AGBL4: variants seen among roughly 807,000 people sequenced by gnomAD.
AGBL4 encodes AGBL carboxypeptidase 4.
In AGBL4, 58 loss-of-function variants were observed where a neutral mutation model predicts 66.4. The observed-to-expected ratio is 0.87, with a 90% confidence interval of 0.71 to 1.09. The LOEUF (loss-of-function observed/expected upper bound fraction) is 1.09. Ranked by LOEUF, AGBL4 falls within the 50% of genes least tolerant of loss-of-function variation. The pLI is 0.00. For synonymous variants in AGBL4, 234 were observed against 222.9 expected (o/e 1.05, Z -0.44); for missense variants, 579 against 631.0 (o/e 0.92, Z 0.88).
At chr1:48,732,777 T>G (rs1353026172) in intron 6 of AGBL4, among the ~76,000 whole-genome samples, 1 of 152,088 alleles carries the variant, frequency 6.6e-6, no homozygotes, top group Non-Finnish European at 1.5e-5. Flanking sequence ...AAGGGCACAC[T>G]GAAGGCAATG....
intron 6 of AGBL4, among the ~76,000 whole-genome samples, chr1:48,710,163 G>A (rs904283516): frequency 6.6e-6 from 1 of 152,134 alleles, no homozygotes; most frequent in Non-Finnish European, 1.5e-5. Flanking sequence ...TTGCAACTAT[G>A]AAGAAATGCG....
chr1:49,984,755 C>T (rs774806700), intron 1 of AGBL4, among the ~76,000 whole-genome samples: 1 of 152,100 alleles, frequency 6.6e-6, no homozygotes, highest in African/African-American at 2.4e-5. Flanking sequence ...TAAGATATTA[C>T]ATAATTGAAA....
intron 3 of AGBL4, among the ~76,000 whole-genome samples, chr1:49,428,234 C>T (rs1645710015): frequency 1.3e-5 from 2 of 152,226 alleles, no homozygotes; most frequent in South Asian, 4.1e-4. Context: ...ACTTGGGGAC[C>T]ACACTATAAG....
chr1:49,423,975 G>T (rs1265605272), intron 3 of AGBL4, among the ~76,000 whole-genome samples: 1 of 152,104 alleles, frequency 6.6e-6, no homozygotes, highest in Admixed American at 6.6e-5. Context: ...TAAGATACTA[G>T]TACTGGTTAG....
rs1644285168 is a variant in AGBL4 at position 49,368,671 on chromosome 1, C to T, written c.283-122807G>A. On this transcript the variant is annotated intron_variant, in intron 3 of 13. Coordinates refer to ENST00000371839, the MANE Select transcript of AGBL4 (RefSeq NM_032785.4). ...ACATTCCTGGCTCTTTCTGTCCCAC[C>T]TATCAAAGCAATCTGTGGGTTCTTT... 3.3e-5 allele frequency among the ~76,000 whole-genome samples: 5 copies of T among 152,262 alleles called. No homozygotes were observed. The South Asian group carries it at 1.0e-3, about 32-fold the overall frequency.
At chr1:49,845,239 C>T (rs1646109040) in intron 2 of AGBL4, 4 of 1,543,758 alleles carry the variant, frequency 2.6e-6, no homozygotes, top group Non-Finnish European at 3.6e-6. Flanking sequence ...TGGGGAGAAA[C>T]CCTATAAATG....
intron 3 of AGBL4, among the ~76,000 whole-genome samples, chr1:49,439,563 C>T (rs1027236050): frequency 1.6e-4 from 24 of 152,198 alleles, no homozygotes; most frequent in Admixed American, 3.9e-4. Flanking sequence ...AGTACCGATC[C>T]TGGGTGTGTC....
At chr1:49,030,593 T>C (rs1664129123) in intron 5 of AGBL4, among the ~76,000 whole-genome samples, 1 of 151,840 alleles carries the variant, frequency 6.6e-6, no homozygotes, top group African/African-American at 2.4e-5. Context: ...AACCCTATTG[T>C]GAACTGTGAA....
intron 5 of AGBL4, among the ~76,000 whole-genome samples, chr1:49,008,865 C>A (rs988489533): frequency 6.6e-6 from 1 of 151,880 alleles, no homozygotes; most frequent in Non-Finnish European, 1.5e-5. Context: ...ATCTGTGGGA[C>A]GCATTCAGAG....
At chr1:49,089,168 C>T (rs1644959075) in intron 4 of AGBL4, among the ~76,000 whole-genome samples, 2 of 151,092 alleles carry the variant, frequency 1.3e-5, no homozygotes, top group African/African-American at 4.9e-5. Flanking sequence ...CTCAAGTTAA[C>T]CACCTAATAT....
At chr1:49,614,314 C>T (rs1173168123) in intron 3 of AGBL4, among the ~76,000 whole-genome samples, 2 of 151,996 alleles carry the variant, frequency 1.3e-5, no homozygotes, top group Non-Finnish European at 2.9e-5. Flanking sequence ...GGTATATACT[C>T]TTTTTTTCTG....
chr1:49,098,007 T>C (rs1645137560), intron 4 of AGBL4, among the ~76,000 whole-genome samples: 1 of 152,246 alleles, frequency 6.6e-6, no homozygotes, highest in Non-Finnish European at 1.5e-5. Context: ...TGTGATGTAA[T>C]GGAGTTATGA....
intron 1 of AGBL4, among the ~76,000 whole-genome samples, chr1:50,010,115 G>A (rs1432059870): frequency 6.6e-6 from 1 of 152,044 alleles, no homozygotes. Flanking sequence ...AGACCACCCT[G>A]GCTAACAAGA....
intron 11 of AGBL4, among the ~76,000 whole-genome samples, chr1:48,580,062 C>T (rs758194970): frequency 2.0e-5 from 3 of 152,134 alleles, no homozygotes; most frequent in African/African-American, 4.8e-5. Context: ...AACCACCATG[C>T]AGGACTTGCA....
intron 3 of AGBL4, among the ~76,000 whole-genome samples, chr1:49,349,491 C>T (rs1645704662): frequency 6.6e-6 from 1 of 152,152 alleles, no homozygotes; most frequent in Non-Finnish European, 1.5e-5. Flanking sequence ...GATCTCAGTT[C>T]AAATATTCAC....
chr1:49,429,794 C>G (rs1570696218), intron 3 of AGBL4, among the ~76,000 whole-genome samples: 1 of 152,152 alleles, frequency 6.6e-6, no homozygotes, highest in South Asian at 2.1e-4. Context: ...CTACTTCTCT[C>G]TCTCTTCACA....
intron 1 of AGBL4, among the ~76,000 whole-genome samples, chr1:49,873,575 T>C (rs2148117172): frequency 6.6e-6 from 1 of 152,242 alleles, no homozygotes; most frequent in East Asian, 1.9e-4. Context: ...TCACCTTATC[T>C]TATGTAAAGT....
At chr1:48,979,947 T>C (rs1008665184) in intron 5 of AGBL4, among the ~76,000 whole-genome samples, 7 of 152,178 alleles carry the variant, frequency 4.6e-5, no homozygotes, top group African/African-American at 1.4e-4. Flanking sequence ...TAACATACAA[T>C]AGAGTTTTAA....
intron 4 of AGBL4, among the ~76,000 whole-genome samples, chr1:49,112,277 A>C (rs1176320363): frequency 6.6e-6 from 1 of 152,196 alleles, no homozygotes; most frequent in Non-Finnish European, 1.5e-5. Flanking sequence ...TGAAGATTAA[A>C]TAAGATACCG....
Sources: allele counts gnomAD v4.1 joint callset (sites outside exome capture counted in the v4.1 genomes callset), GRCh38; gene constraint gnomAD v4.1.1; transcripts MANE v1.5; gene names NCBI Gene and HGNC (gene_info 2026-07-23, HGNC 2026-07-21).